SIMC1: variants seen among roughly 807,000 people sequenced by gnomAD.
The protein encoded by SIMC1 is SUMO-interacting motif-containing protein 1.
In SIMC1, 55 loss-of-function variants were observed where a neutral mutation model predicts 82.3. The observed-to-expected ratio is 0.67, with a 90% confidence interval of 0.54 to 0.84. The LOEUF (loss-of-function observed/expected upper bound fraction) is 0.84, where lower values mean the gene tolerates loss of function less well. Ranked by LOEUF, SIMC1 falls within the 40% of genes least tolerant of loss-of-function variation. The pLI is 0.00. For missense variants in SIMC1, 915 were observed against 1,107.2 expected, an observed-to-expected ratio of 0.83 and a Z score of 2.46; for synonymous variants, 353 against 426.3, an observed-to-expected ratio of 0.83 and a Z score of 2.12.
chr5:176,312,536 C>CAAAAAAAAAAAAA (rs10551875), intron 4 of SIMC1, among the ~76,000 whole-genome samples: 2 of 70,034 alleles, frequency 2.9e-5, no homozygotes, highest in African/African-American at 5.8e-5. Context: ...GACTCCATCT[C>CAAAAAAAAAAAAA]AAAAAAAAAA....
At chr5:176,321,522 T>C (rs1765157615) in intron 5 of SIMC1, among the ~76,000 whole-genome samples, 1 of 152,142 alleles carries the variant, frequency 6.6e-6, no homozygotes, top group Admixed American at 6.5e-5. Flanking sequence ...AGTTATTTAT[T>C]ATAATATTAG....
rs1293878338 is a variant in SIMC1, at chr5:176,322,319, A to C, written c.1936A>C (p.Thr646Pro). Residue 646 changes from threonine to proline, a missense_variant, in exon 6 of 10, where the codon ACT (threonine) becomes CCT (proline). This residue lies in a region of SIMC1 where 902 missense variants were observed against 1,040.3 expected (regional missense o/e 0.87). Transcript: ENST00000429602. ...CAAAGCAGTAACTGAAGATGGATTG[A>C]CTCAGCCCCCAAATGGAAATCAAAC... ...LVKAVTEDGLTQPPNGNQTSS... is the reference protein window; with the variant it reads ...LVKAVTEDGLPQPPNGNQTSS... 1.3e-6 allele frequency: 2 copies of C among 1,582,822 alleles called. No homozygotes were observed. Among genetic ancestry groups the C allele is most frequent in the Non-Finnish European group, 1.7e-6 (2 of 1,163,994 alleles).
chr5:176,292,238 T>A lies in SIMC1; in HGVS notation c.1431+1283T>A, dbSNP rs184272824. Among the ~76,000 whole-genome samples the A allele has an allele frequency of 3.2e-4, 49 of 152,282 alleles. 1 individual carries two copies. In the East Asian group the frequency reaches 8.9e-3, roughly 28 times the overall value. On this transcript the variant is annotated intron_variant, in intron 2 of 9. Coordinates refer to ENST00000429602, the MANE Select transcript of SIMC1 (RefSeq NM_001308195.2). ...CATGAGTGGGAATGCTCCTTTCCAT[T>A]GGTCATCATTGATTTATGAGAAGTA...
At position 176,305,826 on chromosome 5, in the gene SIMC1, G is replaced by A. The variant is rs1238838537; in HGVS notation, c.1735-7865G>A. Among the ~76,000 whole-genome samples, 2 of 63,930 alleles carry A rather than the reference G, an allele frequency of 3.1e-5. 1 individual carries two copies. Among genetic ancestry groups the A allele is most frequent in the Non-Finnish European group, 6.5e-5 (2 of 30,584 alleles). The allele number at this position is 63,930 out of a possible 152,430, so 41.9% of individuals were successfully genotyped here. A position where few individuals can be genotyped will look rare whatever the true frequency, so the allele number is the denominator to read the frequency against. On this transcript the variant is annotated intron_variant, in intron 4 of 9. Transcript: ENST00000429602. Reference sequence around the variant, plus strand: ...AGGTGGGGGCGTCAGCCCCCCGCCCGGCCAGCCGCCCCGTCCGGGAGGGAG... The same window carrying A: ...AGGTGGGGGCGTCAGCCCCCCGCCCAGCCAGCCGCCCCGTCCGGGAGGGAG...
chr5:176,252,610 C>T (rs1045472057), intron 1 of SIMC1, among the ~76,000 whole-genome samples: 1 of 151,416 alleles, frequency 6.6e-6, no homozygotes, highest in East Asian at 2.0e-4. Context: ...CTCCTCACTT[C>T]CTAGATGGGA....
At chr5:176,249,222 C>T (rs1346632494) in intron 1 of SIMC1, among the ~76,000 whole-genome samples, 20 of 151,990 alleles carry the variant, frequency 1.3e-4, no homozygotes, top group African/African-American at 4.1e-4. Context: ...GCTGTGAATC[C>T]GTCTGGTCCT....
At chr5:176,294,588 T>C (rs1763721021) in intron 2 of SIMC1, among the ~76,000 whole-genome samples, 1 of 151,972 alleles carries the variant, frequency 6.6e-6, no homozygotes, top group Non-Finnish European at 1.5e-5. Context: ...CTCTTTTTTT[T>C]TTTTTAATCA....
At chr5:176,327,227 C>G (rs1581319415) in intron 7 of SIMC1, among the ~76,000 whole-genome samples, 1 of 152,178 alleles carries the variant, frequency 6.6e-6, no homozygotes, top group East Asian at 1.9e-4. Flanking sequence ...CTTTAAAATT[C>G]TCTCAGAGGG....
At chr5:176,300,811 A>G (rs1764010150) in intron 4 of SIMC1, among the ~76,000 whole-genome samples, 1 of 152,352 alleles carries the variant, frequency 6.6e-6, no homozygotes, top group East Asian at 1.9e-4. Flanking sequence ...ATAAGAGAAT[A>G]CTACCAACAA....
At chr5:176,331,904 G>GCTGCAGTGAGGCCGAA (rs1561730997) in intron 7 of SIMC1, among the ~76,000 whole-genome samples, 2 of 151,486 alleles carry the variant, frequency 1.3e-5, no homozygotes, top group Non-Finnish European at 2.9e-5. Context: ...AGGAGGCCGA[G>GCTGCAGTGAGGCCGAA]GCTGCAGTGA....
At chr5:176,269,856 C>G (rs1432207008) in intron 1 of SIMC1, among the ~76,000 whole-genome samples, 3 of 152,126 alleles carry the variant, frequency 2.0e-5, no homozygotes, top group Non-Finnish European at 4.4e-5. Context: ...AGCCGTCCTC[C>G]CTTCTGAGCC....
chr5:176,310,791 C>T (rs968214099), intron 4 of SIMC1, among the ~76,000 whole-genome samples: 5 of 152,004 alleles, frequency 3.3e-5, no homozygotes, highest in Admixed American at 6.6e-5. Flanking sequence ...TTTACCTGTG[C>T]TGAAGTTGTA....
chr5:176,265,266 T>TCAAACAAACAAACAAACAAA (rs79477198), intron 1 of SIMC1, among the ~76,000 whole-genome samples: 2 of 150,682 alleles, frequency 1.3e-5, no homozygotes, highest in Non-Finnish European at 3.0e-5. Flanking sequence ...ACTCTCCACT[T>TCAAACAAACAAACAAACAAA]CAAACAAACA....
chr5:176,301,506 A>G (rs1298801621), intron 4 of SIMC1, among the ~76,000 whole-genome samples: 3 of 152,182 alleles, frequency 2.0e-5, no homozygotes, highest in Non-Finnish European at 4.4e-5. Flanking sequence ...AGCTGGGTGC[A>G]GTGGCTCATG....
intron 7 of SIMC1, among the ~76,000 whole-genome samples, chr5:176,332,109 AATTCCTGCTCTTTAAT>A: frequency 6.6e-6 from 1 of 152,314 alleles, no homozygotes; most frequent in Non-Finnish European, 1.5e-5. Context: ...GCCAGCTGAA[AATTCCTGCTCTTTAAT>A]ATAAGTATTG....
intron 1 of SIMC1, among the ~76,000 whole-genome samples, chr5:176,288,877 C>T (rs890740576): frequency 6.6e-6 from 1 of 152,162 alleles, no homozygotes; most frequent in African/African-American, 2.4e-5. Context: ...GATTACAATA[C>T]CTCTGTACTG....
chr5:176,271,914 T>C (rs58786644), intron 1 of SIMC1, among the ~76,000 whole-genome samples: 1,085 of 89,638 alleles, frequency 0.012, 11 homozygotes, highest in African/African-American at 0.041. Flanking sequence ...TAGTATATAA[T>C]TGTATATTAT....
At chr5:176,342,106 CCT>C (rs1178513729) in intron 9 of SIMC1, among the ~76,000 whole-genome samples, 1 of 152,172 alleles carries the variant, frequency 6.6e-6, no homozygotes, top group Non-Finnish European at 1.5e-5. Context: ...CTAAGTTTCC[CCT>C]GTCCCACCCT....
chr5:176,330,254 A>T (rs1022039166), intron 7 of SIMC1, among the ~76,000 whole-genome samples: 1 of 152,144 alleles, frequency 6.6e-6, no homozygotes, highest in African/African-American at 2.4e-5. Flanking sequence ...TAAAAAAATT[A>T]GCTGGGCATG....
Sources: allele counts gnomAD v4.1 joint callset (sites outside exome capture counted in the v4.1 genomes callset), GRCh38; gene constraint gnomAD v4.1.1; regional missense constraint gnomAD v4.1.1; transcripts MANE v1.5; gene names NCBI Gene and HGNC (gene_info 2026-07-23, HGNC 2026-07-21).